The following TADA2A variants were observed in gnomAD, a reference collection of about 807,000 sequenced individuals.
TADA2A encodes the protein transcriptional adapter 2-alpha.
TADA2A carries 38 observed loss-of-function variants against 67.4 expected under a neutral mutation model. That is an observed-to-expected ratio of 0.56 (90% CI 0.44 to 0.74). TADA2A has a LOEUF of 0.74. Among genes scored for constraint, TADA2A ranks in the 30% least tolerant of loss-of-function variants. The probability of loss-of-function intolerance (pLI) is 0.00; values close to 1 mark genes in which losing one functional copy is unlikely to be tolerated. For missense variants in TADA2A, 454 were observed against 547.0 expected, an observed-to-expected ratio of 0.83 and a Z score of 1.70; for synonymous variants, 192 against 181.6, an observed-to-expected ratio of 1.06 and a Z score of -0.46.
In TADA2A at chr17:37,423,604, C is replaced by T; in HGVS notation, c.121C>T (p.Leu41Phe). Residue 41 changes from leucine to phenylalanine, a missense_variant, in exon 3 of 16, where the codon CTC (leucine) becomes TTC (phenylalanine). Physicochemically the swap from Leu to Phe is conservative, Grantham distance 22. Coordinates refer to ENST00000615182, the MANE Select transcript of TADA2A (RefSeq NM_001166105.3). ...TGAATGTGGGCCACCTCCTTTTTTCCTCTGCTTGCAGGTAACTCACTAATG... is the reference window on the plus strand; with the variant it reads ...TGAATGTGGGCCACCTCCTTTTTTCTTCTGCTTGCAGGTAACTCACTAATG... ...CAECGPPPFF[L>F]CLQCFTRGFE... The T allele has an allele frequency of 6.2e-7, 1 of 1,612,212 alleles. No individual in the cohort carries two copies. The highest frequency in any genetic ancestry group is 1.7e-5 in the Admixed American group (1 of 59,460).
intron 12 of TADA2A, among the ~76,000 whole-genome samples, chr17:37,469,409 G>A (rs370245508): frequency 1.5e-4 from 23 of 151,830 alleles, no homozygotes; most frequent in African/African-American, 4.6e-4. Flanking sequence ...CGAGGCGGGC[G>A]GATCACTTGA....
intron 2 of TADA2A, among the ~76,000 whole-genome samples, chr17:37,418,061 G>A (rs149562529): frequency 4.6e-5 from 7 of 152,274 alleles, no homozygotes; most frequent in Non-Finnish European, 1.0e-4. Context: ...AGCGTGTCAT[G>A]TTGGTGACTA....
At chr17:37,443,719 G>A (rs559670884) in intron 7 of TADA2A, among the ~76,000 whole-genome samples, 1 of 152,172 alleles carries the variant, frequency 6.6e-6, no homozygotes, top group South Asian at 2.1e-4. Context: ...AAGCAGCATG[G>A]GATAATATAA....
chr17:37,436,810 TC>T (rs2052740687), intron 4 of TADA2A, among the ~76,000 whole-genome samples: 1 of 151,564 alleles, frequency 6.6e-6, no homozygotes, highest in Non-Finnish European at 1.5e-5. Flanking sequence ...GTTTTATTCT[TC>T]CATTTAAAAA....
intron 4 of TADA2A, among the ~76,000 whole-genome samples, chr17:37,428,027 T>C (rs1310270947): frequency 6.6e-6 from 1 of 152,026 alleles, no homozygotes; most frequent in Admixed American, 6.6e-5. Context: ...ATATTAAGCA[T>C]ATAACTAAAT....
Position 37,478,407 on chromosome 17 carries a change from C to T in TADA2A, c.*1425C>T, listed in dbSNP as rs1026794474. The T allele has an allele frequency of 8.5e-5, 13 of 152,154 alleles. 1 individual carries two copies. Among genetic ancestry groups the T allele is most frequent in the Non-Finnish European group, 1.5e-4 (10 of 68,040 alleles). The allele number at this position is 152,154 out of a possible 1,614,324, so 9.4% of individuals were successfully genotyped here. On this transcript the variant is annotated 3_prime_UTR_variant, in exon 16 of 16. Transcript: ENST00000615182. ...CCCTGGGTTTCCCAGGATACCAAGC[C>T]CCTGAGGATGGAGATGATGCAACAA...
chr17:37,471,583 C>T (rs376867752), intron 14 of TADA2A, among the ~76,000 whole-genome samples: 2 of 151,874 alleles, frequency 1.3e-5, no homozygotes, highest in Admixed American at 6.6e-5. Flanking sequence ...TCTCGGCTCA[C>T]TGCAACCTCC....
At chr17:37,439,992 G>C (rs914659199) in intron 5 of TADA2A, among the ~76,000 whole-genome samples, 1 of 146,502 alleles carries the variant, frequency 6.8e-6, no homozygotes, top group African/African-American at 2.5e-5. Flanking sequence ...TGCCCAGACT[G>C]GAGTGCAATG....
In TADA2A at chr17:37,440,577, C is replaced by T; in HGVS notation, c.357C>T (p.Ile119=). ...AGAAGCACTATATGAAGCATTTCAT[C>T]AATAACCCTCTGTTTGCATCTACCC... ...ECEKHYMKHF[I]NNPLFASTLL... is the part of the protein sequence containing the mutation. Residue 119 remains isoleucine (I), a synonymous_variant, in exon 6 of 16, where the codon ATC becomes ATT. Transcript: ENST00000615182. 1 of 1,614,112 alleles carries T rather than the reference C, an allele frequency of 6.2e-7. No homozygotes were observed. Among genetic ancestry groups the T allele is most frequent in the Non-Finnish European group, 8.5e-7 (1 of 1,180,010 alleles).
Position 37,476,892 on chromosome 17 carries a change from G to A in TADA2A, c.1242G>A (p.Ala414=), listed in dbSNP as rs148115672. 80 of 1,614,132 alleles carry A rather than the reference G, an allele frequency of 5.0e-5. No homozygotes were observed. Among genetic ancestry groups the A allele is most frequent in the African/African-American group, 9.3e-5 (7 of 75,030 alleles). ...ACAAGCAAGGAGGCTTAAGACTGGC[G>A]CAGGCAAGAGCACTCATCAAGATAG... ...ECNKQGGLRL[A]QARALIKIDV... Residue 414 remains alanine, a synonymous_variant, in exon 16 of 16, where the codon GCG becomes GCA. Coordinates refer to ENST00000615182, the MANE Select transcript of TADA2A (RefSeq NM_001166105.3).
intron 2 of TADA2A, among the ~76,000 whole-genome samples, chr17:37,416,998 G>A (rs1486388130): frequency 6.6e-6 from 1 of 152,100 alleles, no homozygotes; most frequent in African/African-American, 2.4e-5. Context: ...TGGGCTCTGT[G>A]TATCAAAAAC....
chr17:37,422,555 G>T (rs531011472), intron 2 of TADA2A, among the ~76,000 whole-genome samples: 1 of 151,038 alleles, frequency 6.6e-6, no homozygotes, highest in East Asian at 2.0e-4. Flanking sequence ...CGCCCAGGCT[G>T]GAGTGCAGTG....
intron 8 of TADA2A, among the ~76,000 whole-genome samples, chr17:37,448,903 C>A: frequency 6.6e-6 from 1 of 152,312 alleles, no homozygotes; most frequent in African/African-American, 2.4e-5. Context: ...AATTGTATTT[C>A]TTTGGCACAT....
At chr17:37,445,915 A>G (rs907608726) in intron 8 of TADA2A, among the ~76,000 whole-genome samples, 2 of 152,224 alleles carry the variant, frequency 1.3e-5, no homozygotes, top group Middle Eastern at 3.4e-3. Flanking sequence ...ATTATAAATC[A>G]AGTTTTCATA....
chr17:37,411,140 C>T (rs571406077), intron 1 of TADA2A, 129 bp from the exon 2 acceptor site: 1 of 584,802 alleles, frequency 1.7e-6, no homozygotes, highest in African/African-American at 1.9e-5. Context: ...AACAGGTTTT[C>T]AGAGGTGGAA....
At chr17:37,465,659 G>T in intron 11 of TADA2A, 118 bp downstream of exon 11, 1 of 1,521,476 alleles carries the variant, frequency 6.6e-7, no homozygotes, top group Non-Finnish European at 8.9e-7. Context: ...TTCTCTCTTT[G>T]TTCCCCTTTA....
At chr17:37,462,192 G>A (rs143209406) in intron 10 of TADA2A, 71 bp downstream of exon 10, 58 of 1,056,252 alleles carry the variant, frequency 5.5e-5, no homozygotes, top group African/African-American at 5.1e-4. Flanking sequence ...AATAAATCAC[G>A]TATTGTAGTT....
rs2522967 is a variant in TADA2A at position 37,469,628 on chromosome 17, C to T, written c.896-772C>T. ...AGCCTGGGCAACAAGAGCGAAACTCCGTCTCAAAAAAAGATAAAAGTGGAA... is the reference window on the plus strand; with the variant it reads ...AGCCTGGGCAACAAGAGCGAAACTCTGTCTCAAAAAAAGATAAAAGTGGAA... On this transcript the variant is annotated intron_variant, in intron 12 of 15. Transcript: ENST00000615182. Among the ~76,000 whole-genome samples, 832 of 152,038 alleles carry T rather than the reference C, an allele frequency of 5.5e-3. 9 individuals carry two copies. The highest frequency in any genetic ancestry group is 0.019 in the African/African-American group (806 of 41,446).
intron 6 of TADA2A, among the ~76,000 whole-genome samples, chr17:37,441,668 C>CT (rs34359729): frequency 0.25 from 33,837 of 137,046 alleles, 4,173 homozygotes; most frequent in Middle Eastern, 0.34. Context: ...GTAATACCTC[C>CT]TTTTTTTTTT....
Sources: allele counts gnomAD v4.1 joint callset (sites outside exome capture counted in the v4.1 genomes callset), GRCh38; gene constraint gnomAD v4.1.1; transcripts MANE v1.5; gene names NCBI Gene and HGNC (gene_info 2026-07-23, HGNC 2026-07-21).